KCTD16: variants seen among roughly 807,000 people sequenced by gnomAD.
The protein encoded by KCTD16 is potassium channel tetramerization domain containing 16.
Under a neutral mutation model 33.2 loss-of-function variants are expected in KCTD16, and 13 were observed. The observed-to-expected ratio is 0.39, with a 90% CI of 0.25 to 0.62. The LOEUF is 0.62. KCTD16 is among the 20% of genes least tolerant of loss of function. The probability of loss-of-function intolerance (pLI) is 0.50; values close to 1 mark genes in which losing one functional copy is unlikely to be tolerated. For synonymous variants in KCTD16, 197 were observed against 195.3 expected (o/e 1.01, Z -0.07); for missense variants, 441 against 525.1 (o/e 0.84, Z 1.57).
rs78451037 is a variant in KCTD16 at position 144,470,275 on chromosome 5, C to T, written c.833-3385C>T. Among the ~76,000 whole-genome samples the T allele has an allele frequency of 4.9e-3, 741 of 152,282 alleles. 7 individuals are homozygous for T. The highest frequency in any genetic ancestry group is 0.016 in the African/African-American group (682 of 41,554). ...ACTGCAAGGTCAAAGGGGTCTGGAG[C>T]TTACATGTGTCATTTCTGTGTTCTG... On this transcript the variant is annotated intron_variant, in intron 3 of 3. Coordinates refer to ENST00000512467, the MANE Select transcript of KCTD16 (RefSeq NM_020768.4).
chr5:144,464,426 AT>A (rs147963996), intron 3 of KCTD16, among the ~76,000 whole-genome samples: 4,743 of 152,256 alleles, frequency 0.031, 256 homozygotes, highest in African/African-American at 0.11. Context: ...ATCTGGAGAC[AT>A]TTTTAGTAGC....
chr5:144,322,506 AAAACAAAC>A (rs373515591), intron 3 of KCTD16, among the ~76,000 whole-genome samples: 1 of 151,418 alleles, frequency 6.6e-6, no homozygotes, highest in African/African-American at 2.4e-5. Flanking sequence ...CATCACAGAA[AAAACAAAC>A]AAACAAACAA....
At chr5:144,172,990 C>T (rs543998094) in intron 1 of KCTD16, among the ~76,000 whole-genome samples, 9 of 152,136 alleles carry the variant, frequency 5.9e-5, no homozygotes, top group Admixed American at 1.3e-4. Flanking sequence ...TAGATGCTGG[C>T]GAGGTTTTAG....
chr5:144,402,874 TTC>T (rs531680297), intron 3 of KCTD16, among the ~76,000 whole-genome samples: 27 of 152,358 alleles, frequency 1.8e-4, no homozygotes, highest in Non-Finnish European at 3.2e-4. Flanking sequence ...CACAAATTTA[TTC>T]TGTTACCGTT....
chr5:144,183,255 T>C (rs1339038438), intron 2 of KCTD16, among the ~76,000 whole-genome samples: 1 of 152,228 alleles, frequency 6.6e-6, no homozygotes, highest in East Asian at 1.9e-4. Context: ...AGTATTCTGC[T>C]TCTTGCACAC....
At chr5:144,297,946 T>C (rs1434049508) in intron 3 of KCTD16, among the ~76,000 whole-genome samples, 2 of 152,234 alleles carry the variant, frequency 1.3e-5, no homozygotes, top group Non-Finnish European at 2.9e-5. Context: ...TTTTGCTCAC[T>C]GCTCTTTGCT....
At position 144,199,431 on chromosome 5, in the gene KCTD16, T is replaced by A. The variant is rs552751344; in HGVS notation, c.-326-6958T>A. 2.0e-5 allele frequency among the ~76,000 whole-genome samples: 3 copies of A among 152,232 alleles called. No individual in the cohort carries two copies. In the South Asian group the frequency reaches 6.2e-4, roughly 31 times the overall value. On this transcript the variant is annotated intron_variant, in intron 2 of 3. Transcript: ENST00000512467. ...ATCAACAGGCTGTAGGTGAAGGACT[T>A]CAGGGGAGGCAAAGGTAGGCGTCTT...
rs116341109 is a variant in KCTD16 at position 144,452,985 on chromosome 5, G to A, written c.833-20675G>A. ...CTGGAGGAGGTGGCTGGTAAAAATC[G>A]TTTAGTCTGTTGCACAGAAAATGAG... On this transcript the variant is annotated intron_variant, in intron 3 of 3. Coordinates refer to ENST00000512467, the MANE Select transcript of KCTD16 (RefSeq NM_020768.4). Among the ~76,000 whole-genome samples the A allele has an allele frequency of 3.5e-3, 529 of 152,146 alleles. 2 individuals carry two copies. Among genetic ancestry groups the A allele is most frequent in the African/African-American group, 0.012 (509 of 41,516 alleles).
intron 3 of KCTD16, among the ~76,000 whole-genome samples, chr5:144,444,915 T>C (rs1476178506): frequency 3.3e-5 from 5 of 149,642 alleles, no homozygotes; most frequent in Admixed American, 6.7e-5. Context: ...ATATATAATA[T>C]ACAATTCTAG....
chr5:144,480,815 A>G lies in KCTD16; in HGVS notation c.*6701A>G, dbSNP rs1346737449. The G allele has an allele frequency of 6.6e-6, 1 of 151,944 alleles. No individual in the cohort carries two copies. The highest frequency in any genetic ancestry group is 1.5e-5 in the Non-Finnish European group (1 of 67,928). 9.4% of individuals were successfully genotyped at this position (151,944 alleles called of 1,614,324 possible). A position where few individuals can be genotyped will look rare whatever the true frequency, so the allele number is the denominator to read the frequency against. ...CACAATGTCAATAGTGCTTAGCTTGAGAAACTCTAAATTAAGCATGAGTTT... is the reference window on the plus strand; with the variant it reads ...CACAATGTCAATAGTGCTTAGCTTGGGAAACTCTAAATTAAGCATGAGTTT... On this transcript the variant is annotated 3_prime_UTR_variant, in exon 4 of 4. Coordinates refer to ENST00000512467, the MANE Select transcript of KCTD16 (RefSeq NM_020768.4).
At chr5:144,332,164 G>A (rs1752378201) in intron 3 of KCTD16, among the ~76,000 whole-genome samples, 1 of 152,164 alleles carries the variant, frequency 6.6e-6, no homozygotes, top group African/African-American at 2.4e-5. Flanking sequence ...AGAATGGTCT[G>A]CAAGATGACA....
intron 3 of KCTD16, among the ~76,000 whole-genome samples, chr5:144,443,861 A>C (rs1392887942): frequency 6.6e-6 from 1 of 152,088 alleles, no homozygotes; most frequent in Non-Finnish European, 1.5e-5. Flanking sequence ...GGTACATTAG[A>C]TACTTTGATA....
At chr5:144,359,851 G>A (rs997923706) in intron 3 of KCTD16, among the ~76,000 whole-genome samples, 15 of 151,900 alleles carry the variant, frequency 9.9e-5, no homozygotes, top group African/African-American at 1.7e-4. Context: ...CAATGGATGT[G>A]CCCCTCCGAA....
intron 2 of KCTD16, chr5:144,205,827 C>T (rs1561528168): frequency 2.8e-6 from 1 of 362,520 alleles, no homozygotes; most frequent in Non-Finnish European, 4.9e-6. Context: ...TACCTACATA[C>T]ATACATAAAT....
Position 144,188,141 on chromosome 5 carries a change from T to C in KCTD16, c.-327+13669T>C, listed in dbSNP as rs144604487. Among the ~76,000 whole-genome samples, 376 of 152,346 alleles carry C rather than the reference T, an allele frequency of 2.5e-3. 1 individual carries two copies. Among genetic ancestry groups the C allele is most frequent in the African/African-American group, 8.7e-3 (361 of 41,576 alleles). On this transcript the variant is annotated intron_variant, in intron 2 of 3. Coordinates refer to ENST00000512467, the MANE Select transcript of KCTD16 (RefSeq NM_020768.4). ...GCAAGGCTTCTTTGATGGGGTTGAG[T>C]CTAGGCAAATGTTTTGGTTGGTAAT...
chr5:144,218,292 C>G (rs888373923), intron 3 of KCTD16, among the ~76,000 whole-genome samples: 4 of 152,082 alleles, frequency 2.6e-5, no homozygotes, highest in African/African-American at 9.7e-5. Flanking sequence ...AGCTCCTAGT[C>G]TGTACTTGGG....
At chr5:144,230,541 G>A (rs1426338075) in intron 3 of KCTD16, among the ~76,000 whole-genome samples, 1 of 152,080 alleles carries the variant, frequency 6.6e-6, no homozygotes, top group African/African-American at 2.4e-5. Context: ...TGTATAAAAT[G>A]TGGGAACTAT....
At chr5:144,388,998 G>A (rs1752392668) in intron 3 of KCTD16, among the ~76,000 whole-genome samples, 1 of 152,108 alleles carries the variant, frequency 6.6e-6, no homozygotes, top group Non-Finnish European at 1.5e-5. Flanking sequence ...TTTTATCAAG[G>A]ATGGTCATAA....
At chr5:144,416,134 T>C (rs796889331) in intron 3 of KCTD16, among the ~76,000 whole-genome samples, 9 of 152,320 alleles carry the variant, frequency 5.9e-5, no homozygotes, top group African/African-American at 1.9e-4. Flanking sequence ...AATCCTGTTA[T>C]ACAGATGAAG....
Sources: gnomAD v4.1 joint callset for allele counts (sites outside exome capture counted in the v4.1 genomes callset) on GRCh38, gnomAD v4.1.1 for gene constraint, MANE v1.5 for transcripts, NCBI Gene and HGNC (gene_info 2026-07-23, HGNC 2026-07-21) for gene names.